The following KATNB1 variants were observed in gnomAD, a reference collection of about 807,000 sequenced individuals.
KATNB1 encodes the protein katanin regulatory subunit B1, also known as katanin p80 WD40 repeat-containing subunit B1.
In KATNB1, 38 loss-of-function variants were observed where a neutral mutation model predicts 82.3. The ratio of observed to expected loss-of-function variants is 0.46; its 90% CI spans 0.36 to 0.61. The LOEUF (loss-of-function observed/expected upper bound fraction) is 0.61, where lower values mean the gene tolerates loss of function less well. Among genes scored for constraint, KATNB1 ranks in the 20% least tolerant of loss-of-function variants. The probability of loss-of-function intolerance (pLI) is 0.00; values close to 1 mark genes in which losing one functional copy is unlikely to be tolerated. For synonymous variants in KATNB1, 361 were observed against 368.7 expected (o/e 0.98, Z 0.24); for missense variants, 749 against 915.7 (o/e 0.82, Z 2.35).
chr16:57,757,078 A>T lies in KATNB1; in HGVS notation c.*132A>T. 2.8e-6 allele frequency: 3 copies of T among 1,060,600 alleles called. No individual in the cohort carries two copies. Among genetic ancestry groups the T allele is most frequent in the Non-Finnish European group, 3.8e-6 (3 of 794,810 alleles). 65.7% of individuals were successfully genotyped at this position (1,060,600 alleles called of 1,614,324 possible). Reference sequence around the variant, plus strand: ...TGCTGTCCTGTGGCCGTCCTGGAGGAGGTGATGCTGGTCCCTGGCCACCTC... The same window carrying T: ...TGCTGTCCTGTGGCCGTCCTGGAGGTGGTGATGCTGGTCCCTGGCCACCTC... On this transcript the variant is annotated 3_prime_UTR_variant, in exon 20 of 20. Coordinates refer to ENST00000379661, the MANE Select transcript of KATNB1 (RefSeq NM_005886.3).
intron 13 of KATNB1, among the ~76,000 whole-genome samples, chr16:57,754,348 G>A (rs1164046121): frequency 2.6e-5 from 4 of 152,182 alleles, no homozygotes; most frequent in African/African-American, 7.2e-5. Context: ...CTCTCAGGAG[G>A]CCCAATGCCT....
intron 13 of KATNB1, 78 bp downstream of exon 13, chr16:57,754,073 A>C (rs2049254968): frequency 8.0e-7 from 1 of 1,249,700 alleles, no homozygotes; most frequent in African/African-American, 1.5e-5. Flanking sequence ...GAACCCTCCC[A>C]ACAAGCCCCT....
chr16:57,752,935 G>A lies in KATNB1; in HGVS notation c.855+7G>A. On this transcript the variant is annotated splice_region_variant and intron_variant, in intron 10 of 19. Transcript: ENST00000379661. Reference sequence around the variant, plus strand: ...CATCTGCAATGACCAGTTGGTGAGAGAGCCATGGCACCCACCGCCCCCCAC... The same window carrying A: ...CATCTGCAATGACCAGTTGGTGAGAAAGCCATGGCACCCACCGCCCCCCAC... 6.2e-7 allele frequency: 1 copy of A among 1,601,848 alleles called. No homozygotes were observed. The highest frequency in any genetic ancestry group is 8.5e-7 in the Non-Finnish European group (1 of 1,179,438).
At chr16:57,740,664 C>T (rs1428868295) in intron 2 of KATNB1, among the ~76,000 whole-genome samples, 1 of 152,188 alleles carries the variant, frequency 6.6e-6, no homozygotes, top group Non-Finnish European at 1.5e-5. Context: ...CCCGGGCCGC[C>T]TCTTGGTTCC....
chr16:57,752,892 C>A lies in KATNB1; in HGVS notation c.819C>A (p.Gly273=). The change falls in exon 10 of 20, where the codon GGC becomes GGA. Residue 273 remains glycine, a synonymous_variant. Coordinates refer to ENST00000379661, the MANE Select transcript of KATNB1 (RefSeq NM_005886.3). The part of the protein sequence containing the change: ...RCFDVVLVNW[G]KVADLAICND... ...TTGATGTGGTCCTCGTCAACTGGGG[C>A]AAGGTGGCCGACCTGGCCATCTGCA... The A allele has an allele frequency of 6.2e-7, 1 of 1,606,522 alleles. No individual in the cohort carries two copies. Among genetic ancestry groups the A allele is most frequent in the South Asian group, 1.1e-5 (1 of 90,996 alleles).
Position 57,751,448 on chromosome 16 carries a change from G to C in KATNB1, c.432+146G>C, listed in dbSNP as rs1345808302. ...CATAGACCTGGAGCTGAGCAGGAGC[G>C]CCATGGGCGGCCCACCTGGATCCCC... On this transcript the variant is annotated intron_variant, in intron 6 of 19. Coordinates refer to ENST00000379661, the MANE Select transcript of KATNB1 (RefSeq NM_005886.3). The surrounding 1 kb of genome is among the most constrained non-coding windows in gnomAD (Gnocchi z 6.3). The C allele has an allele frequency of 1.0e-6, 1 of 974,240 alleles. No individual in the cohort carries two copies. The highest frequency in any genetic ancestry group is 1.4e-5 in the South Asian group (1 of 72,442). 60.3% of individuals were successfully genotyped at this position (974,240 alleles called of 1,614,324 possible).
rs75335526 is a variant in KATNB1 at position 57,754,484 on chromosome 16, T to C, written c.1229-446T>C. Among the ~76,000 whole-genome samples the C allele has an allele frequency of 3.3e-5, 5 of 152,108 alleles. No homozygotes were observed. In the East Asian group the frequency reaches 9.7e-4, roughly 29 times the overall value. On this transcript the variant is annotated intron_variant, in intron 13 of 19. Transcript: ENST00000379661. ...GGCCCACAAGGCCTCAGCTGGGGGT[T>C]TGGATTAAGAAGGGAGAAAAATGAT...
In KATNB1 at chr16:57,753,119, G is replaced by A; in HGVS notation, c.898G>A (p.Val300Met). 1 of 1,610,444 alleles carries A rather than the reference G, an allele frequency of 6.2e-7. No individual in the cohort carries two copies. Among genetic ancestry groups the A allele is most frequent in the African/African-American group, 1.3e-5 (1 of 75,002 alleles). ...CCAGAGCAACGTCTCCTCCTACGTG[G>A]TGGATCTGACGCGTGTCACCAGGAC... ...FSQSNVSSYVVDLTRVTRTGT... is the reference protein window; with the variant it reads ...FSQSNVSSYVMDLTRVTRTGT... Residue 300 changes from valine (V) to methionine (M), a missense_variant, in exon 11 of 20, where the codon GTG becomes ATG. Coordinates refer to ENST00000379661, the MANE Select transcript of KATNB1 (RefSeq NM_005886.3).
In KATNB1 at chr16:57,751,228, G is replaced by T; in HGVS notation, c.391-33G>T. 1 of 1,611,136 alleles carries T rather than the reference G, an allele frequency of 6.2e-7. No homozygotes were observed. The highest frequency in any genetic ancestry group is 1.1e-5 in the South Asian group (1 of 91,002). ...TCCAGTCGTGGCTCTGACCTCTCCTGACTCTGCCCCTCTGCTTCTCTCTCC... is the reference window on the plus strand; with the variant it reads ...TCCAGTCGTGGCTCTGACCTCTCCTTACTCTGCCCCTCTGCTTCTCTCTCC... On this transcript the variant is annotated intron_variant, in intron 5 of 19. Transcript: ENST00000379661. This position sits in a 1 kb window ranked among gnomAD's most constrained non-coding sequence, Gnocchi z 6.3.
At chr16:57,752,304 G>A (rs1357627059) in intron 8 of KATNB1, 4 of 624,652 alleles carry the variant, frequency 6.4e-6, no homozygotes, top group African/African-American at 5.5e-5. Flanking sequence ...GCATCTAGTG[G>A]GACCCCATAG....
At chr16:57,737,896 G>C (rs755811745) in intron 2 of KATNB1, among the ~76,000 whole-genome samples, 3 of 152,174 alleles carry the variant, frequency 2.0e-5, no homozygotes, top group Non-Finnish European at 4.4e-5. Flanking sequence ...ATATCTGTCA[G>C]TATTTACCAC....
At chr16:57,746,748 G>A (rs1243697097) in intron 4 of KATNB1, among the ~76,000 whole-genome samples, 2 of 152,112 alleles carry the variant, frequency 1.3e-5, no homozygotes, top group East Asian at 3.9e-4. Flanking sequence ...GATTTTTCAA[G>A]AGAGGCTGGA....
At position 57,756,689 on chromosome 16, in the gene KATNB1, TC is replaced by T. The variant is rs1321973020; in HGVS notation, c.1836-121del. On this transcript the variant is annotated intron_variant, in intron 19 of 19. Coordinates refer to ENST00000379661, the MANE Select transcript of KATNB1 (RefSeq NM_005886.3). ...CAATCCCTGGCAGGGCCTGGGTGGT[TC>T]CCCTCTGGGCCTCCGCCTTCCCTTG... 17 of 1,411,850 alleles carry T rather than the reference TC, an allele frequency of 1.2e-5. No homozygotes were observed. The East Asian group carries it at 3.5e-4, about 29-fold the overall frequency. The allele number at this position is 1,411,850 out of a possible 1,614,324, so 87.5% of individuals were successfully genotyped here.
At chr16:57,755,531 C>G (rs782766532) in intron 16 of KATNB1, 37 bp downstream of exon 16, 1 of 1,592,900 alleles carries the variant, frequency 6.3e-7, no homozygotes. Context: ...TCATCTCGCC[C>G]CCCTGCCCCT....
chr16:57,741,661 G>T (rs1555579505), intron 2 of KATNB1, 26 bp from the exon 3 acceptor site: 3 of 1,601,590 alleles, frequency 1.9e-6, no homozygotes, highest in African/African-American at 2.7e-5. Context: ...CGCCCTGATG[G>T]CCTCTCCCTC....
rs782656553 is a variant in KATNB1, at chr16:57,754,906, G to T, written c.1229-24G>T. The T allele has an allele frequency of 1.1e-5, 17 of 1,613,726 alleles. No homozygotes were observed. In the South Asian group the frequency reaches 1.8e-4, roughly 17 times the overall value. On this transcript the variant is annotated intron_variant, in intron 13 of 19. Transcript: ENST00000379661. ...TGCCAGGCCCTTCTGGCCGGACCCA[G>T]TCATCTTTTCCTTTTGCCTCCAGAC...
At position 57,751,076 on chromosome 16, in the gene KATNB1, A is replaced by C; in HGVS notation, c.390+149A>C. The stretch of plus-strand genomic sequence containing the variant: ...ATCCTAGGGAAAGCGGGTGGCAGGC[A>C]TCTATCTGCCAGATGCTTCTGCTCA... On this transcript the variant is annotated intron_variant, in intron 5 of 19. Transcript: ENST00000379661. The surrounding 1 kb of genome is among the most constrained non-coding windows in gnomAD (Gnocchi z 6.3). 1 of 832,114 alleles carries C rather than the reference A, an allele frequency of 1.2e-6. No individual in the cohort carries two copies. Among genetic ancestry groups the C allele is most frequent in the Non-Finnish European group, 2.0e-6 (1 of 503,482 alleles). 51.5% of individuals were successfully genotyped at this position (832,114 alleles called of 1,614,324 possible). A position where few individuals can be genotyped will look rare whatever the true frequency, so the allele number is the denominator to read the frequency against.
Position 57,752,522 on chromosome 16 carries a change from C to A in KATNB1, c.633-8C>A. 1 of 1,560,614 alleles carries A rather than the reference C, an allele frequency of 6.4e-7. No homozygotes were observed. The highest frequency in any genetic ancestry group is 8.7e-7 in the Non-Finnish European group (1 of 1,151,762). On this transcript the variant is annotated splice_polypyrimidine_tract_variant and splice_region_variant and intron_variant, in intron 8 of 19. Transcript: ENST00000379661. ...AGGCTTCGCAGCACAGCTTGGCTGC[C>A]TTTGCAGGACAATCCGCTTCTGGGA...
chr16:57,757,118 C>T lies in KATNB1; in HGVS notation c.*172C>T, dbSNP rs2148798567. The stretch of plus-strand genomic sequence containing the variant: ...CTGGCCACCTCTACAGCCCTGAACT[C>T]TTGAGACAACTCTCTCCAGCAATAG... On this transcript the variant is annotated 3_prime_UTR_variant, in exon 20 of 20. Transcript: ENST00000379661. 1.7e-6 allele frequency: 1 copy of T among 587,584 alleles called. No homozygotes were observed. Among genetic ancestry groups the T allele is most frequent in the Middle Eastern group, 5.0e-4 (1 of 1,990 alleles). 36.4% of individuals were successfully genotyped at this position (587,584 alleles called of 1,614,324 possible). A position where few individuals can be genotyped will look rare whatever the true frequency, so the allele number is the denominator to read the frequency against.
Sources: allele counts gnomAD v4.1 joint callset (sites outside exome capture counted in the v4.1 genomes callset), GRCh38; gene constraint gnomAD v4.1.1; non-coding constraint Gnocchi (gnomAD v3.1); transcripts MANE v1.5; gene names NCBI Gene and HGNC (gene_info 2026-07-23, HGNC 2026-07-21).